Variants in CNTN6 observed in about 807,000 individuals in gnomAD.
The protein encoded by CNTN6 is contactin-6.
CNTN6 carries 137 observed loss-of-function variants against 122.8 expected under a neutral mutation model. That is an observed-to-expected ratio of 1.12 (90% CI 0.97 to 1.29). CNTN6 has a LOEUF of 1.29. Ranked by LOEUF, CNTN6 falls within the 50% of genes most tolerant of loss-of-function variation. The pLI is 0.00. For synonymous variants in CNTN6, 570 were observed against 426.0 expected (o/e 1.34, Z -4.16); for missense variants, 1,634 against 1,223.4 (o/e 1.34, Z -5.01).
At chr3:1,255,655 T>C (rs1359269532) in intron 4 of CNTN6, among the ~76,000 whole-genome samples, 1 of 152,004 alleles carries the variant, frequency 6.6e-6, no homozygotes, top group Non-Finnish European at 1.5e-5. Flanking sequence ...ATCGATTATA[T>C]ATAATCTAAG....
intron 2 of CNTN6, among the ~76,000 whole-genome samples, chr3:1,153,426 T>G (rs1218817858): frequency 1.3e-5 from 2 of 152,238 alleles, no homozygotes; most frequent in Admixed American, 6.5e-5. Flanking sequence ...ATGTAATGTT[T>G]GCTGACAAAT....
intron 4 of CNTN6, among the ~76,000 whole-genome samples, chr3:1,270,398 AC>A (rs1575497010): frequency 6.6e-6 from 1 of 152,232 alleles, no homozygotes; most frequent in African/African-American, 2.4e-5. Flanking sequence ...GTATTTTAAT[AC>A]TGAAAGTTGC....
intron 12 of CNTN6, among the ~76,000 whole-genome samples, chr3:1,353,720 T>C (rs527634809): frequency 2.0e-5 from 3 of 151,746 alleles, no homozygotes; most frequent in African/African-American, 7.2e-5. Flanking sequence ...AAAAAAGATA[T>C]TTATTATATC....
chr3:1,218,406 CGAGTG>C (rs1007251787), intron 2 of CNTN6, among the ~76,000 whole-genome samples: 1 of 151,974 alleles, frequency 6.6e-6, no homozygotes, highest in Non-Finnish European at 1.5e-5. Context: ...TGTCAGAGCC[CGAGTG>C]GGGTGAAGGA....
At chr3:1,275,042 C>G (rs1157147480) in intron 4 of CNTN6, among the ~76,000 whole-genome samples, 2 of 152,158 alleles carry the variant, frequency 1.3e-5, no homozygotes, top group Non-Finnish European at 2.9e-5. Flanking sequence ...ACTCTGCAGT[C>G]CATCTTTTAC....
intron 12 of CNTN6, among the ~76,000 whole-genome samples, chr3:1,366,719 A>G (rs1708278832): frequency 6.6e-6 from 1 of 152,116 alleles, no homozygotes. Context: ...TGAGAGAGCA[A>G]TCAATGGCCT....
chr3:1,363,846 A>G (rs1462838224), intron 12 of CNTN6, among the ~76,000 whole-genome samples: 3 of 151,940 alleles, frequency 2.0e-5, no homozygotes, highest in South Asian at 4.1e-4. Flanking sequence ...ACTGTTTTCC[A>G]TAATAGCTGT....
At chr3:1,388,501 A>G (rs1693541975) in intron 20 of CNTN6, among the ~76,000 whole-genome samples, 1 of 151,740 alleles carries the variant, frequency 6.6e-6, no homozygotes, top group Non-Finnish European at 1.5e-5. Context: ...TAAAACGCAG[A>G]GCGCCTCTCC....
At chr3:1,146,886 C>T (rs1388248440) in intron 1 of CNTN6, among the ~76,000 whole-genome samples, 8 of 151,994 alleles carry the variant, frequency 5.3e-5, no homozygotes, top group Non-Finnish European at 7.4e-5. Context: ...TTGAGAAAAA[C>T]ATTGACTCAA....
At chr3:1,392,837 C>T (rs1444240206) in intron 20 of CNTN6, among the ~76,000 whole-genome samples, 2 of 135,114 alleles carry the variant, frequency 1.5e-5, no homozygotes, top group Admixed American at 1.5e-4. Flanking sequence ...CAGAGAAATG[C>T]AAATCAAAAC....
chr3:1,118,897 C>G (rs933705099), intron 1 of CNTN6, among the ~76,000 whole-genome samples: 6 of 152,054 alleles, frequency 3.9e-5, no homozygotes, highest in Non-Finnish European at 7.4e-5. Flanking sequence ...AAAAAAACAC[C>G]ATTTTCCTCT....
chr3:1,291,923 G>A (rs79404175), intron 5 of CNTN6, among the ~76,000 whole-genome samples: 13,889 of 152,156 alleles, frequency 0.091, 749 homozygotes, highest in African/African-American at 0.15. Flanking sequence ...TTGCATTTAT[G>A]CATACTTGAT....
At chr3:1,287,464 T>A (rs1379168113) in intron 5 of CNTN6, among the ~76,000 whole-genome samples, 1 of 152,100 alleles carries the variant, frequency 6.6e-6, no homozygotes, top group African/African-American at 2.4e-5. Flanking sequence ...AAGATGGAAA[T>A]TGGGAAGAAA....
At chr3:1,278,868 A>G (rs1368091732) in intron 5 of CNTN6, among the ~76,000 whole-genome samples, 1 of 152,192 alleles carries the variant, frequency 6.6e-6, no homozygotes, top group African/African-American at 2.4e-5. Flanking sequence ...TTTCTCATCT[A>G]TAAAATAGAG....
intron 3 of CNTN6, among the ~76,000 whole-genome samples, chr3:1,222,416 A>G (rs892447412): frequency 6.6e-6 from 1 of 152,204 alleles, no homozygotes; most frequent in African/African-American, 2.4e-5. Context: ...GAATATAAGA[A>G]TTCCTATAAC....
At position 1,356,435 on chromosome 3, in the gene CNTN6, G is replaced by T. The variant is rs141742071; in HGVS notation, c.1492+3984G>T. Among the ~76,000 whole-genome samples the T allele has an allele frequency of 1.7e-3, 252 of 151,754 alleles. 2 individuals carry two copies. The highest frequency in any genetic ancestry group is 5.9e-3 in the African/African-American group (244 of 41,450). ...CTTTATTATACCAGCATTACAGAGT[G>T]GCCTATCCATTTTCTCCAGCAGAAT... On this transcript the variant is annotated intron_variant, in intron 12 of 22. Coordinates refer to ENST00000446702, the MANE Select transcript of CNTN6 (RefSeq NM_001289080.2).
chr3:1,108,213 T>C (rs2091317096), intron 1 of CNTN6, among the ~76,000 whole-genome samples: 1 of 152,002 alleles, frequency 6.6e-6, no homozygotes, highest in African/African-American at 2.4e-5. Context: ...GTATTAGAAG[T>C]TGTGTATCCC....
At chr3:1,178,698 A>AATAGGC (rs1230626885) in intron 2 of CNTN6, among the ~76,000 whole-genome samples, 17 of 152,250 alleles carry the variant, frequency 1.1e-4, no homozygotes, top group African/African-American at 4.1e-4. Flanking sequence ...TAAACCTAAG[A>AATAGGC]ATAGGCATGT....
intron 17 of CNTN6, 111 bp from the exon 18 acceptor site, chr3:1,382,827 GAATA>G (rs755408165): frequency 9.3e-5 from 67 of 721,034 alleles, no homozygotes; most frequent in African/African-American, 4.5e-4. Context: ...TCATTAAACA[GAATA>G]AATATCCATA....
Sources: gnomAD v4.1 joint callset for allele counts (sites outside exome capture counted in the v4.1 genomes callset) on GRCh38, gnomAD v4.1.1 for gene constraint, MANE v1.5 for transcripts, NCBI Gene and HGNC (gene_info 2026-07-23, HGNC 2026-07-21) for gene names.